Variants in HS3ST4 observed in about 807,000 individuals in gnomAD.
The protein encoded by HS3ST4 is heparan sulfate-glucosamine 3-sulfotransferase 4.
A neutral mutation model predicts 29.2 loss-of-function variants in HS3ST4; 17 were observed. The observed-to-expected ratio is 0.58, with a 90% CI of 0.40 to 0.87. The LOEUF is 0.87. Among genes scored for constraint, HS3ST4 ranks in the 40% least tolerant of loss-of-function variants. The pLI is 0.00. For missense variants in HS3ST4, 627 were observed against 634.5 expected (o/e 0.99, Z 0.13); for synonymous variants, 314 against 285.7 (o/e 1.10, Z -1.00).
chr16:25,831,079 G>A (rs919856325), intron 1 of HS3ST4, among the ~76,000 whole-genome samples: 2 of 152,088 alleles, frequency 1.3e-5, no homozygotes, highest in African/African-American at 4.8e-5. Flanking sequence ...CCTCTGCTGT[G>A]GCTTGAATGC....
intron 1 of HS3ST4, among the ~76,000 whole-genome samples, chr16:25,938,057 C>T (rs951871608): frequency 2.4e-4 from 36 of 152,236 alleles, no homozygotes; most frequent in Middle Eastern, 3.4e-3. Context: ...TCTTCAGCTC[C>T]ACAAGTGCTT....
At chr16:25,802,939 G>A (rs1966953744) in intron 1 of HS3ST4, among the ~76,000 whole-genome samples, 2 of 149,918 alleles carry the variant, frequency 1.3e-5, no homozygotes, top group Admixed American at 1.3e-4. Context: ...GTGTGTGTGT[G>A]TGTGTGTGTG....
At position 25,758,561 on chromosome 16, in the gene HS3ST4, C is replaced by G. The variant is rs555078135; in HGVS notation, c.734+65410C>G. On this transcript the variant is annotated intron_variant, in intron 1 of 1. Coordinates refer to ENST00000331351, the MANE Select transcript of HS3ST4 (RefSeq NM_006040.3). ...ATCTGAACTTCAGAAATGGATAGTT[C>G]ATTGACTGATCCCCATCCTCTACAA... Among the ~76,000 whole-genome samples, 63 of 152,242 alleles carry G rather than the reference C, an allele frequency of 4.1e-4. 1 individual carries two copies. The South Asian group carries it at 0.01, about 25-fold the overall frequency.
chr16:26,092,620 C>T (rs912495870), intron 1 of HS3ST4, among the ~76,000 whole-genome samples: 12 of 152,150 alleles, frequency 7.9e-5, no homozygotes, highest in Admixed American at 2.0e-4. Context: ...TAAGGAGATC[C>T]GTTCCAAGAT....
At chr16:25,766,013 C>T (rs762454236) in intron 1 of HS3ST4, among the ~76,000 whole-genome samples, 5 of 152,060 alleles carry the variant, frequency 3.3e-5, no homozygotes, top group East Asian at 1.9e-4. Flanking sequence ...ATTAGCAAGT[C>T]GGAAATCCCA....
chr16:25,777,463 G>A (rs1247419059), intron 1 of HS3ST4, among the ~76,000 whole-genome samples: 1 of 152,080 alleles, frequency 6.6e-6, no homozygotes, highest in Non-Finnish European at 1.5e-5. Flanking sequence ...CCGTGTGTGT[G>A]TGCATAAGAT....
chr16:26,040,082 G>A (rs183849785), intron 1 of HS3ST4, among the ~76,000 whole-genome samples: 6 of 152,040 alleles, frequency 3.9e-5, no homozygotes, highest in South Asian at 2.1e-4. Flanking sequence ...ACAACACTTC[G>A]CATGAACGCA....
chr16:25,898,788 G>A (rs111913200), intron 1 of HS3ST4, among the ~76,000 whole-genome samples: 2 of 152,338 alleles, frequency 1.3e-5, no homozygotes, highest in East Asian at 3.9e-4. Flanking sequence ...ATGAATAAGA[G>A]AGGGAGATGT....
At chr16:25,862,557 G>A (rs1205271412) in intron 1 of HS3ST4, among the ~76,000 whole-genome samples, 5 of 152,170 alleles carry the variant, frequency 3.3e-5, no homozygotes, top group African/African-American at 9.7e-5. Context: ...AGTAATGCTC[G>A]CTCGTGCTCA....
intron 1 of HS3ST4, among the ~76,000 whole-genome samples, chr16:26,011,827 A>G (rs118099709): frequency 1.8e-3 from 273 of 152,140 alleles, no homozygotes; most frequent in Middle Eastern, 0.01. Context: ...TTAATCTATT[A>G]GGAATACTAG....
At chr16:25,884,049 G>T (rs1967921808) in intron 1 of HS3ST4, among the ~76,000 whole-genome samples, 1 of 151,994 alleles carries the variant, frequency 6.6e-6, no homozygotes, top group South Asian at 2.1e-4. Context: ...GGAGACTGAG[G>T]TTGCAGTGAG....
At chr16:25,924,202 C>T (rs67020966) in intron 1 of HS3ST4, among the ~76,000 whole-genome samples, 18,146 of 152,164 alleles carry the variant, frequency 0.12, 1,237 homozygotes, top group African/African-American at 0.17. Flanking sequence ...CTTGGAGCTG[C>T]TTGTTTCTTT....
intron 1 of HS3ST4, among the ~76,000 whole-genome samples, chr16:25,983,685 T>C (rs1234783931): frequency 3.9e-5 from 6 of 152,202 alleles, no homozygotes; most frequent in Admixed American, 3.9e-4. Context: ...TTCTAAGCCA[T>C]ACATAGTCTT....
At chr16:25,950,935 A>G (rs1258067206) in intron 1 of HS3ST4, among the ~76,000 whole-genome samples, 1 of 152,170 alleles carries the variant, frequency 6.6e-6, no homozygotes, top group African/African-American at 2.4e-5. Flanking sequence ...TATTGAAAAC[A>G]TAGTCTGTGG....
chr16:25,998,686 T>A (rs1333093092), intron 1 of HS3ST4, among the ~76,000 whole-genome samples: 1 of 152,216 alleles, frequency 6.6e-6, no homozygotes, highest in Non-Finnish European at 1.5e-5. Context: ...TCTCACTTCC[T>A]GGGATGAATT....
intron 1 of HS3ST4, among the ~76,000 whole-genome samples, chr16:25,712,462 A>G (rs4238914): frequency 0.59 from 89,190 of 151,854 alleles, 27,345 homozygotes; most frequent in Admixed American, 0.68. Context: ...TGGTGGCTGC[A>G]GTGAGCTGTG....
intron 1 of HS3ST4, among the ~76,000 whole-genome samples, chr16:25,728,246 T>C (rs1424238888): frequency 6.6e-6 from 1 of 152,192 alleles, no homozygotes; most frequent in Non-Finnish European, 1.5e-5. Context: ...ATGATCTGAC[T>C]GCCTTGGCCT....
At chr16:25,920,259 T>A (rs1037021356) in intron 1 of HS3ST4, among the ~76,000 whole-genome samples, 4 of 152,164 alleles carry the variant, frequency 2.6e-5, no homozygotes, top group African/African-American at 4.8e-5. Flanking sequence ...ATTAAATCAA[T>A]CAATAGATCG....
intron 1 of HS3ST4, among the ~76,000 whole-genome samples, chr16:26,042,354 C>G (rs896320184): frequency 1.6e-4 from 24 of 148,546 alleles, no homozygotes; most frequent in East Asian, 5.9e-4. Flanking sequence ...GCATTTATCT[C>G]TGTGTGTGTG....
Sources: gnomAD v4.1 joint callset for allele counts (sites outside exome capture counted in the v4.1 genomes callset) on GRCh38, gnomAD v4.1.1 for gene constraint, MANE v1.5 for transcripts, NCBI Gene and HGNC (gene_info 2026-07-23, HGNC 2026-07-21) for gene names.